Variants in SPOCK3 observed in about 807,000 individuals in gnomAD.
SPOCK3 encodes SPARC (osteonectin), cwcv and kazal like domains proteoglycan 3, also known as testican-3.
Under a neutral mutation model 56.6 loss-of-function variants are expected in SPOCK3, and 30 were observed. The observed-to-expected ratio is 0.53, with a 90% CI of 0.40 to 0.72. SPOCK3 has a LOEUF of 0.72. Ranked by LOEUF, SPOCK3 falls within the 30% of genes least tolerant of loss-of-function variation. The probability of loss-of-function intolerance (pLI) is 0.00; values close to 1 mark genes in which losing one functional copy is unlikely to be tolerated. For missense variants in SPOCK3, 527 were observed against 530.0 expected (o/e 0.99, Z 0.06); for synonymous variants, 196 against 183.3 (o/e 1.07, Z -0.56).
At chr4:166,988,731 T>C (rs1561089909) in intron 4 of SPOCK3, among the ~76,000 whole-genome samples, 1 of 152,080 alleles carries the variant, frequency 6.6e-6, no homozygotes, top group Non-Finnish European at 1.5e-5. Flanking sequence ...ATTACTGGTA[T>C]AGCCTTTTCA....
intron 6 of SPOCK3, among the ~76,000 whole-genome samples, chr4:166,806,981 A>G (rs1055531792): frequency 3.3e-5 from 5 of 151,914 alleles, no homozygotes; most frequent in African/African-American, 9.7e-5. Context: ...TAAAATTATT[A>G]TAATATACTC....
chr4:166,806,438 T>C (rs1264468152), intron 6 of SPOCK3, among the ~76,000 whole-genome samples: 1 of 152,120 alleles, frequency 6.6e-6, no homozygotes, highest in Admixed American at 6.5e-5. Flanking sequence ...CAATTGATGC[T>C]TCTATTTTGC....
chr4:166,838,403 A>G lies in SPOCK3; in HGVS notation c.590-46114T>C, dbSNP rs550387706. Among the ~76,000 whole-genome samples, 8 of 151,800 alleles carry G rather than the reference A, an allele frequency of 5.3e-5. No homozygotes were observed. In the East Asian group the frequency reaches 1.6e-3, roughly 30 times the overall value. ...TTACTCTGTGTTGCTTAGATTGTAT[A>G]ATTTTATTACTCTATCTTTAAGTTC... On this transcript the variant is annotated intron_variant, in intron 6 of 10. Coordinates refer to ENST00000357545, the MANE Select transcript of SPOCK3 (RefSeq NM_001040159.2).
At chr4:167,106,068 C>T (rs1760116038) in intron 2 of SPOCK3, among the ~76,000 whole-genome samples, 1 of 151,856 alleles carries the variant, frequency 6.6e-6, no homozygotes, top group Admixed American at 6.6e-5. Flanking sequence ...CTGGACAGAT[C>T]TCCCAGATAG....
At chr4:166,736,591 A>G (rs2126347348) in intron 10 of SPOCK3, among the ~76,000 whole-genome samples, 1 of 152,188 alleles carries the variant, frequency 6.6e-6, no homozygotes, top group East Asian at 1.9e-4. Flanking sequence ...ATTAGTCTAA[A>G]ATTTGCTTGA....
At chr4:166,879,774 T>C (rs1000491590) in intron 6 of SPOCK3, among the ~76,000 whole-genome samples, 1 of 152,162 alleles carries the variant, frequency 6.6e-6, no homozygotes, top group African/African-American at 2.4e-5. Context: ...CTTGTTGGAT[T>C]TTAATCTCCA....
At chr4:166,879,056 C>A (rs529144343) in intron 6 of SPOCK3, among the ~76,000 whole-genome samples, 17 of 151,922 alleles carry the variant, frequency 1.1e-4, no homozygotes, top group African/African-American at 4.1e-4. Flanking sequence ...GAATCTTAAC[C>A]AAAATTTAGA....
chr4:167,188,395 A>C (rs1732198687), intron 2 of SPOCK3, among the ~76,000 whole-genome samples: 1 of 146,430 alleles, frequency 6.8e-6, no homozygotes, highest in Non-Finnish European at 1.5e-5. Flanking sequence ...AATAGTGAAC[A>C]GAATAGAACT....
intron 2 of SPOCK3, among the ~76,000 whole-genome samples, chr4:167,200,511 C>G (rs1272800135): frequency 6.6e-6 from 1 of 151,976 alleles, no homozygotes; most frequent in East Asian, 1.9e-4. Flanking sequence ...TCTCAGCAAA[C>G]AATTTTTTCG....
At chr4:167,017,705 C>T (rs1188677555) in intron 3 of SPOCK3, among the ~76,000 whole-genome samples, 3 of 152,016 alleles carry the variant, frequency 2.0e-5, no homozygotes, top group Non-Finnish European at 4.4e-5. Context: ...CCATCCTGAC[C>T]GTTTGTATAT....
At chr4:167,058,949 T>C (rs1360564167) in intron 3 of SPOCK3, among the ~76,000 whole-genome samples, 1 of 152,190 alleles carries the variant, frequency 6.6e-6, no homozygotes, top group Non-Finnish European at 1.5e-5. Flanking sequence ...GCCAGCCATA[T>C]GTAGAAAGCT....
chr4:166,948,669 A>G (rs1742095259), intron 4 of SPOCK3, among the ~76,000 whole-genome samples: 1 of 152,066 alleles, frequency 6.6e-6, no homozygotes, highest in Non-Finnish European at 1.5e-5. Context: ...GTCTTCTTTT[A>G]AGAAATATCT....
chr4:166,748,249 T>G lies in SPOCK3; in HGVS notation c.932-6190A>C, dbSNP rs988202028. ...GACTTCAAACTATACTACAAGGCTATGGTAACCAAAACAGCATGGTACTGG... is the reference window on the plus strand; with the variant it reads ...GACTTCAAACTATACTACAAGGCTAGGGTAACCAAAACAGCATGGTACTGG... On this transcript the variant is annotated intron_variant, in intron 8 of 10. Transcript: ENST00000357545. 8.8e-5 allele frequency among the ~76,000 whole-genome samples: 12 copies of G among 137,118 alleles called. 3 individuals are homozygous for G. Among genetic ancestry groups the G allele is most frequent in the African/African-American group, 3.1e-4 (10 of 32,210 alleles). 90.0% of individuals were successfully genotyped at this position (137,118 alleles called of 152,430 possible).
At chr4:167,175,265 T>G (rs1367698832) in intron 2 of SPOCK3, among the ~76,000 whole-genome samples, 1 of 152,150 alleles carries the variant, frequency 6.6e-6, no homozygotes, top group African/African-American at 2.4e-5. Flanking sequence ...CTACTTCTTA[T>G]TAAACCAATA....
At chr4:167,114,576 G>A (rs1761173660) in intron 2 of SPOCK3, among the ~76,000 whole-genome samples, 1 of 152,150 alleles carries the variant, frequency 6.6e-6, no homozygotes, top group Admixed American at 6.6e-5. Flanking sequence ...GTATGGAGGA[G>A]TGAGCCTTTA....
At chr4:167,018,588 A>C (rs1750871149) in intron 3 of SPOCK3, among the ~76,000 whole-genome samples, 1 of 152,030 alleles carries the variant, frequency 6.6e-6, no homozygotes, top group Non-Finnish European at 1.5e-5. Flanking sequence ...CCGGCATGCT[A>C]CTTTTGTTTC....
At chr4:166,852,921 A>G (rs1026748427) in intron 6 of SPOCK3, among the ~76,000 whole-genome samples, 21 of 152,338 alleles carry the variant, frequency 1.4e-4, no homozygotes, top group African/African-American at 4.8e-4. Context: ...CATAACCATG[A>G]GAAAAGAAGT....
At chr4:166,857,076 C>G (rs1003299942) in intron 6 of SPOCK3, among the ~76,000 whole-genome samples, 1 of 152,158 alleles carries the variant, frequency 6.6e-6, no homozygotes, top group African/African-American at 2.4e-5. Context: ...AAATGAGTTA[C>G]TCAGAGACAC....
chr4:167,167,987 G>C lies in SPOCK3; in HGVS notation c.189+65998C>G, dbSNP rs535728372. 9.2e-5 allele frequency among the ~76,000 whole-genome samples: 14 copies of C among 152,148 alleles called. No homozygotes were observed. In the East Asian group the frequency reaches 2.1e-3, roughly 23 times the overall value. On this transcript the variant is annotated intron_variant, in intron 2 of 10. Coordinates refer to ENST00000357545, the MANE Select transcript of SPOCK3 (RefSeq NM_001040159.2). Reference sequence around the variant, plus strand: ...TCTCATGGTAGTGAATAAGTCTCATGAGATCTGATGGTTTTATAAATGGGA... The same window carrying C: ...TCTCATGGTAGTGAATAAGTCTCATCAGATCTGATGGTTTTATAAATGGGA...
Sources: gnomAD v4.1 joint callset for allele counts (sites outside exome capture counted in the v4.1 genomes callset) on GRCh38, gnomAD v4.1.1 for gene constraint, MANE v1.5 for transcripts, NCBI Gene and HGNC (gene_info 2026-07-23, HGNC 2026-07-21) for gene names.